GBP2: variants seen among roughly 807,000 people sequenced by gnomAD.
GBP2 encodes the protein guanylate-binding protein 2.
Under a neutral mutation model 60.8 loss-of-function variants are expected in GBP2, and 54 were observed. The ratio of observed to expected loss-of-function variants is 0.89; its 90% CI spans 0.71 to 1.11. The LOEUF is 1.11. Ranked by LOEUF, GBP2 falls within the 50% of genes most tolerant of loss-of-function variation. The pLI is 0.00. For synonymous variants in GBP2, 243 were observed against 256.5 expected, an observed-to-expected ratio of 0.95 and a Z score of 0.50; for missense variants, 665 against 703.3, an observed-to-expected ratio of 0.95 and a Z score of 0.62.
chr1:89,109,820 C>T lies in GBP2; in HGVS notation c.1516G>A (p.Glu506Lys), dbSNP rs772369101. 1 of 1,613,994 alleles carries T rather than the reference C, an allele frequency of 6.2e-7. No homozygotes were observed. The highest frequency in any genetic ancestry group is 8.5e-7 in the Non-Finnish European group (1 of 1,179,986). Reference protein sequence around the residue: ...SAEAAKKMLEEIQKKNEEMME... With the variant: ...SAEAAKKMLEKIQKKNEEMME... ...ATCTCCTCATTCTTCTTTTGTATTT[C>T]CTCCAACATTTTCTTTGCAGCTTCT... is the stretch of plus-strand genomic sequence containing the variant. Residue 506 changes from glutamate (E) to lysine (K), a missense_variant, in exon 10 of 11, where the codon GAA (glutamate) becomes AAA (lysine). Physicochemically the swap from Glu to Lys is moderately conservative, Grantham distance 56 (BLOSUM62 1). Coordinates refer to ENST00000370466, the MANE Select transcript of GBP2 (RefSeq NM_004120.5).
intron 6 of GBP2, among the ~76,000 whole-genome samples, chr1:89,116,464 T>C (rs1398912807): frequency 4.1e-5 from 1 of 24,650 alleles, no homozygotes; most frequent in Non-Finnish European, 7.0e-5. Context: ...TTTATCATTA[T>C]ACTTTTTTTT....
intron 8 of GBP2, among the ~76,000 whole-genome samples, chr1:89,110,601 A>C (rs1350024780): frequency 6.6e-6 from 1 of 152,192 alleles, no homozygotes; most frequent in Non-Finnish European, 1.5e-5. Flanking sequence ...ATTCTAAGTG[A>C]AGTAACTCAG....
At chr1:89,116,273 C>G (rs1032670177) in intron 6 of GBP2, among the ~76,000 whole-genome samples, 2 of 152,148 alleles carry the variant, frequency 1.3e-5, no homozygotes, top group Non-Finnish European at 2.9e-5. Context: ...CTCAGCCCCC[C>G]AAAGTTCTGG....
At chr1:89,122,067 T>G in intron 1 of GBP2, 84 bp from the exon 2 acceptor site, 1 of 996,562 alleles carries the variant, frequency 1.0e-6, no homozygotes, top group Non-Finnish European at 1.4e-6. Context: ...GTTAAATTTT[T>G]GTTTTCTATG....
intron 1 of GBP2, among the ~76,000 whole-genome samples, chr1:89,123,264 C>T (rs1681446268): frequency 6.6e-6 from 1 of 152,182 alleles, no homozygotes; most frequent in Non-Finnish European, 1.5e-5. Flanking sequence ...AAGATTATCA[C>T]ACTAGGTGTA....
chr1:89,113,925 G>A (rs549902151), intron 7 of GBP2, 91 bp downstream of exon 7: 3 of 1,371,570 alleles, frequency 2.2e-6, no homozygotes, highest in East Asian at 2.3e-5. Flanking sequence ...ACACATAACT[G>A]AGTGTAACTA....
At chr1:89,111,916 T>C (rs970016531) in intron 8 of GBP2, among the ~76,000 whole-genome samples, 14 of 152,146 alleles carry the variant, frequency 9.2e-5, no homozygotes, top group African/African-American at 3.4e-4. Flanking sequence ...ATGTACCCCA[T>C]AAGTATATAC....
intron 1 of GBP2, among the ~76,000 whole-genome samples, chr1:89,122,690 C>G (rs867334023): frequency 3.9e-5 from 6 of 152,162 alleles, no homozygotes; most frequent in African/African-American, 1.2e-4. Flanking sequence ...CCAGGTTTCT[C>G]TACCACAAAG....
Position 89,121,881 on chromosome 1 carries a change from T to C in GBP2, c.86A>G (p.Lys29Arg). 6.2e-7 allele frequency: 1 copy of C among 1,614,132 alleles called. No individual in the cohort carries two copies. The highest frequency in any genetic ancestry group is 8.5e-7 in the Non-Finnish European group (1 of 1,179,984). Residue 29 changes from lysine (K) to arginine (R), a missense_variant, in exon 2 of 11, where the codon AAG (lysine) becomes AGG (arginine). By Grantham distance (26) the Lys-to-Arg change is conservative. Coordinates refer to ENST00000370466, the MANE Select transcript of GBP2 (RefSeq NM_004120.5). ...GQLVVNPEAL[K>R]ILSAITQPVV... ...AGGCTGCGTAATTGCAGATAGGATC[T>C]TCAGAGCTTCTGGATTCACCACCAG...
At position 89,117,675 on chromosome 1, in the gene GBP2, A is replaced by T; in HGVS notation, c.527T>A (p.Phe176Tyr). ...GGTGAAATCTCTGAGAGTCCACACA[A>T]ATGCTGGAAAAAAGCTCACAAAGTC... ...SADFVSFFPA[F>Y]VWTLRDFTLE... Residue 176 changes from phenylalanine (F) to tyrosine (Y), a missense_variant, in exon 5 of 11, where the codon TTT becomes TAT. Transcript: ENST00000370466. 1 of 1,614,096 alleles carries T rather than the reference A, an allele frequency of 6.2e-7. No homozygotes were observed. The highest frequency in any genetic ancestry group is 8.5e-7 in the Non-Finnish European group (1 of 1,179,976).
At chr1:89,122,741 A>G (rs1029817633) in intron 1 of GBP2, among the ~76,000 whole-genome samples, 5 of 152,222 alleles carry the variant, frequency 3.3e-5, no homozygotes, top group Non-Finnish European at 4.4e-5. Flanking sequence ...CCATTTGAAG[A>G]GACAGTTTGA....
At chr1:89,120,570 C>T (rs185827577) in intron 3 of GBP2, among the ~76,000 whole-genome samples, 1 of 152,260 alleles carries the variant, frequency 6.6e-6, no homozygotes, top group African/African-American at 2.4e-5. Flanking sequence ...AAACTGGTAC[C>T]CTAAACTTAG....
In GBP2 at chr1:89,122,181, T is replaced by C. The variant is rs372683614; in HGVS notation, c.-17-198A>G. ...CTTTAAAAATAACTTTATTTTGAAA[T>C]ACACTTACAGAAAAGATGTACAATG... On this transcript the variant is annotated intron_variant, in intron 1 of 10. Coordinates refer to ENST00000370466, the MANE Select transcript of GBP2 (RefSeq NM_004120.5). 3.7e-4 allele frequency among the ~76,000 whole-genome samples: 56 copies of C among 152,320 alleles called. 6 individuals carry two copies. Among genetic ancestry groups the C allele is most frequent in the Admixed American group, 9.1e-4 (14 of 15,304 alleles).
In GBP2 at chr1:89,117,689, G is replaced by T. The variant is rs761131354; in HGVS notation, c.513C>A (p.Ser171Arg). 3 of 1,614,038 alleles carry T rather than the reference G, an allele frequency of 1.9e-6. No individual in the cohort carries two copies. In the Admixed American group the frequency reaches 5.0e-5, roughly 27 times the overall value. ...GAGTCCACACAAATGCTGGAAAAAAGCTCACAAAGTCAGCTGAGTCGTCTA... is the reference window on the plus strand; with the variant it reads ...GAGTCCACACAAATGCTGGAAAAAATCTCACAAAGTCAGCTGAGTCGTCTA... ...NSVDDSADFV[S>R]FFPAFVWTLR... The change falls in exon 5 of 11, where the codon AGC (serine) becomes AGA (arginine). Residue 171 changes from serine (S) to arginine (R), a missense_variant. Physicochemically the swap from Ser to Arg is moderately radical, Grantham distance 110. Coordinates refer to ENST00000370466, the MANE Select transcript of GBP2 (RefSeq NM_004120.5).
Position 89,117,662 on chromosome 1 carries a change from G to A in GBP2, c.540C>T (p.Leu180=). The part of the protein sequence containing the change: ...VSFFPAFVWT[L]RDFTLELEVD... ...CTTCCAGTTCCAGGGTGAAATCTCT[G>A]AGAGTCCACACAAATGCTGGAAAAA... Residue 180 remains leucine (L), a synonymous_variant, in exon 5 of 11, where the codon CTC becomes CTT. Transcript: ENST00000370466. 1 of 1,614,080 alleles carries A rather than the reference G, an allele frequency of 6.2e-7. No individual in the cohort carries two copies. The highest frequency in any genetic ancestry group is 8.5e-7 in the Non-Finnish European group (1 of 1,179,956).
intron 7 of GBP2, 120 bp from the exon 8 acceptor site, chr1:89,112,804 C>T: frequency 2.9e-6 from 2 of 693,650 alleles, no homozygotes; most frequent in East Asian, 2.7e-5. Flanking sequence ...GGGCCATGCT[C>T]CTCACATTGC....
At chr1:89,111,057 T>C (rs1253366638) in intron 8 of GBP2, among the ~76,000 whole-genome samples, 2 of 152,128 alleles carry the variant, frequency 1.3e-5, no homozygotes, top group South Asian at 2.1e-4. Flanking sequence ...AAAAACCATA[T>C]GATCATTTCA....
chr1:89,123,199 A>T (rs1263996783), intron 1 of GBP2, among the ~76,000 whole-genome samples: 8 of 152,116 alleles, frequency 5.3e-5, no homozygotes, highest in Admixed American at 5.2e-4. Context: ...CTTAGAATCG[A>T]CCATTTCTCC....
At chr1:89,114,973 G>A (rs190998927) in intron 6 of GBP2, among the ~76,000 whole-genome samples, 3 of 152,170 alleles carry the variant, frequency 2.0e-5, no homozygotes, top group Admixed American at 6.5e-5. Context: ...TTAAGCTTTG[G>A]ATTAAAAATA....
Sources: gnomAD v4.1 joint callset for allele counts (sites outside exome capture counted in the v4.1 genomes callset) on GRCh38, gnomAD v4.1.1 for gene constraint, MANE v1.5 for transcripts, NCBI Gene and HGNC (gene_info 2026-07-23, HGNC 2026-07-21) for gene names.